Variants in RPS6KC1 observed in about 807,000 individuals in gnomAD.
The protein encoded by RPS6KC1 is inactive ribosomal protein S6 kinase delta-1.
RPS6KC1 carries 54 observed loss-of-function variants against 103.8 expected under a neutral mutation model. The observed-to-expected ratio is 0.52, with a 90% confidence interval of 0.42 to 0.65. The LOEUF (loss-of-function observed/expected upper bound fraction) is 0.65, where lower values mean the gene tolerates loss of function less well. Ranked by LOEUF, RPS6KC1 falls within the 30% of genes least tolerant of loss-of-function variation. The probability of loss-of-function intolerance (pLI) is 0.00; values close to 1 mark genes in which losing one functional copy is unlikely to be tolerated. For synonymous variants in RPS6KC1, 439 were observed against 438.7 expected (o/e 1.00, Z -0.01); for missense variants, 1,151 against 1,253.8 (o/e 0.92, Z 1.24).
intron 12 of RPS6KC1, among the ~76,000 whole-genome samples, chr1:213,243,950 A>G (rs2094408968): frequency 1.3e-5 from 2 of 152,214 alleles, no homozygotes; most frequent in South Asian, 4.1e-4. Context: ...AGTAGAGAAT[A>G]CCAAAGTTTT....
At chr1:213,216,669 G>A (rs1320704882) in intron 8 of RPS6KC1, among the ~76,000 whole-genome samples, 2 of 152,178 alleles carry the variant, frequency 1.3e-5, no homozygotes, top group East Asian at 1.9e-4. Context: ...ATAACAAACT[G>A]TCTCTCAGAC....
At chr1:213,289,839 G>T in the RPS6KC1 span, among the ~76,000 whole-genome samples, 1 of 152,094 alleles carries the variant, frequency 6.6e-6, no homozygotes, top group Non-Finnish European at 1.5e-5. Context: ...CAGAGTTTGA[G>T]ACCAGCCTGG....
chr1:213,561,954 G>A, the RPS6KC1 span, among the ~76,000 whole-genome samples: 1 of 152,156 alleles, frequency 6.6e-6, no homozygotes, highest in African/African-American at 2.4e-5. Flanking sequence ...TAGGGTCAAG[G>A]TTGCACTTTC....
At chr1:213,626,257 G>T in the RPS6KC1 span, among the ~76,000 whole-genome samples, 1 of 152,132 alleles carries the variant, frequency 6.6e-6, no homozygotes, top group Admixed American at 6.6e-5. Flanking sequence ...CATATCCTTT[G>T]CCCACTTTTT....
the RPS6KC1 span, among the ~76,000 whole-genome samples, chr1:213,717,598 A>C: frequency 1.3e-5 from 2 of 152,288 alleles, no homozygotes; most frequent in Non-Finnish European, 1.5e-5. Context: ...CAAGCAAAGG[A>C]GTTTAGACTT....
the RPS6KC1 span, among the ~76,000 whole-genome samples, chr1:213,357,521 G>A: frequency 2.0e-5 from 3 of 152,174 alleles, no homozygotes; most frequent in Non-Finnish European, 4.4e-5. Flanking sequence ...TTTTTATTTG[G>A]TGGGTGAAAC....
the RPS6KC1 span, among the ~76,000 whole-genome samples, chr1:213,640,121 G>A: frequency 6.6e-6 from 1 of 151,938 alleles, no homozygotes; most frequent in African/African-American, 2.4e-5. Context: ...CATCTTGAGT[G>A]AGTTTTAGTA....
At chr1:213,205,162 C>A in intron 8 of RPS6KC1, 1 of 710,852 alleles carries the variant, frequency 1.4e-6, no homozygotes, top group Non-Finnish European at 1.7e-6. Context: ...TTTTACCTGT[C>A]TGTTTGAGTA....
the RPS6KC1 span, among the ~76,000 whole-genome samples, chr1:213,470,336 C>T: frequency 6.6e-6 from 1 of 152,246 alleles, no homozygotes; most frequent in African/African-American, 2.4e-5. Context: ...TTTCTGCATG[C>T]AAAATTATGG....
chr1:213,165,097 T>C (rs977548152), intron 6 of RPS6KC1, among the ~76,000 whole-genome samples: 1 of 152,256 alleles, frequency 6.6e-6, no homozygotes, highest in South Asian at 2.1e-4. Flanking sequence ...TTTTTTTTTT[T>C]CTGGTACTGA....
intron 8 of RPS6KC1, among the ~76,000 whole-genome samples, chr1:213,218,746 A>G (rs1416620380): frequency 2.6e-5 from 4 of 152,208 alleles, no homozygotes; most frequent in African/African-American, 9.6e-5. Flanking sequence ...TCTTTGACAA[A>G]CCTGAGAAAA....
chr1:213,755,608 G>A, the RPS6KC1 span, among the ~76,000 whole-genome samples: 1 of 152,186 alleles, frequency 6.6e-6, no homozygotes. Context: ...GTGGGAAAAG[G>A]GGCCCAAAGC....
chr1:213,851,961 C>T, the RPS6KC1 span, among the ~76,000 whole-genome samples: 597 of 152,256 alleles, frequency 3.9e-3, 2 homozygotes, highest in Admixed American at 7.3e-3. Flanking sequence ...TCTCTTGGAA[C>T]TCCTGGTATA....
chr1:213,566,413 A>T, the RPS6KC1 span, among the ~76,000 whole-genome samples: 1 of 94,856 alleles, frequency 1.1e-5, no homozygotes, highest in African/African-American at 3.3e-5. Context: ...TTCTTTTTCA[A>T]TTCTTGGAAC....
intron 8 of RPS6KC1, among the ~76,000 whole-genome samples, chr1:213,220,357 C>T (rs1018689894): frequency 3.9e-5 from 6 of 152,136 alleles, no homozygotes; most frequent in Non-Finnish European, 4.4e-5. Flanking sequence ...AATGGAGTCT[C>T]GCTCTGTCAC....
At chr1:213,845,384 C>G in the RPS6KC1 span, among the ~76,000 whole-genome samples, 1 of 152,086 alleles carries the variant, frequency 6.6e-6, no homozygotes, top group African/African-American at 2.4e-5. Context: ...CCACCTCACC[C>G]CCATGCTTTT....
chr1:213,706,174 C>G, the RPS6KC1 span, among the ~76,000 whole-genome samples: 3 of 152,280 alleles, frequency 2.0e-5, no homozygotes, highest in Non-Finnish European at 4.4e-5. Context: ...GAATTGCAGT[C>G]CTTATGGCCT....
At chr1:213,550,247 G>A in the RPS6KC1 span, among the ~76,000 whole-genome samples, 1 of 152,128 alleles carries the variant, frequency 6.6e-6, no homozygotes, top group Non-Finnish European at 1.5e-5. Context: ...CAGACCCAGG[G>A]GGAAGAAACA....
intron 10 of RPS6KC1, among the ~76,000 whole-genome samples, chr1:213,236,889 T>A (rs1033935376): frequency 1.3e-5 from 2 of 152,188 alleles, no homozygotes; most frequent in Admixed American, 1.3e-4. Context: ...TCTAAAATTA[T>A]AAAACTAATT....
Sources: allele counts gnomAD v4.1 joint callset (sites outside exome capture counted in the v4.1 genomes callset), GRCh38; gene constraint gnomAD v4.1.1; transcripts MANE v1.5; gene names NCBI Gene and HGNC (gene_info 2026-07-23, HGNC 2026-07-21).